Variants in VPS52 observed in about 807,000 individuals in gnomAD.
VPS52 encodes the protein VPS52 subunit of GARP complex.
Under a neutral mutation model 98.7 loss-of-function variants are expected in VPS52, and 56 were observed. The ratio of observed to expected loss-of-function variants is 0.57; its 90% CI spans 0.46 to 0.71. The LOEUF (loss-of-function observed/expected upper bound fraction) is 0.71. VPS52 is among the 30% of genes least tolerant of loss of function. VPS52 has a pLI of 0.00. For synonymous variants in VPS52, 348 were observed against 346.4 expected (o/e 1.00, Z -0.05); for missense variants, 742 against 925.9 (o/e 0.80, Z 2.58).
At chr6:33,265,017 G>C in intron 12 of VPS52, 117 bp from the exon 13 acceptor site, 1 of 917,780 alleles carries the variant, frequency 1.1e-6, no homozygotes, top group South Asian at 1.4e-5. Context: ...GGACAGAAGG[G>C]AGAGACGTAA....
Position 33,271,837 on chromosome 6 carries a change from C to A in VPS52, c.-162G>T. 1 of 1,400,664 alleles carries A rather than the reference C, an allele frequency of 7.1e-7. No homozygotes were observed. The highest frequency in any genetic ancestry group is 9.4e-7 in the Non-Finnish European group (1 of 1,062,668). The allele number at this position is 1,400,664 out of a possible 1,614,324, so 86.8% of individuals were successfully genotyped here. A position where few individuals can be genotyped will look rare whatever the true frequency, so the allele number is the denominator to read the frequency against. On this transcript the variant is annotated 5_prime_UTR_variant, in exon 1 of 20. Transcript: ENST00000445902. ...CCCCTTTCAGCTCTAACCACTTCAC[C>A]CAACTGCAAATGGAAATATGGAAGT...
chr6:33,265,498 C>T (rs1764198801), intron 12 of VPS52, among the ~76,000 whole-genome samples: 1 of 152,208 alleles, frequency 6.6e-6, no homozygotes, highest in Non-Finnish European at 1.5e-5. Context: ...TGCCAAGCAA[C>T]TGGGACCATG....
chr6:33,266,767 T>A, intron 11 of VPS52, 55 bp from the exon 12 acceptor site: 6 of 1,549,022 alleles, frequency 3.9e-6, no homozygotes, highest in Middle Eastern at 4.1e-4. Flanking sequence ...CAACACTGAC[T>A]TCCCATGGAT....
At chr6:33,269,723 C>A (rs1167334772) in intron 4 of VPS52, 21 bp downstream of exon 4, 1 of 1,611,730 alleles carries the variant, frequency 6.2e-7, no homozygotes, top group Non-Finnish European at 8.5e-7. Flanking sequence ...AGCACCACCC[C>A]TTCCCTCTGC....
At position 33,250,918 on chromosome 6, in the gene VPS52, C is replaced by T. The variant is rs746173356; in HGVS notation, c.2095G>A (p.Ala699Thr). The T allele has an allele frequency of 6.8e-6, 11 of 1,612,902 alleles. No individual in the cohort carries two copies. In the African/African-American group the frequency reaches 1.5e-4, roughly 22 times the overall value. The part of the protein sequence containing the change: ...HRVLSQPQLR[A>T]LPARAELINI... ...ATGAGCTCAGCCCGGGCAGGGAGGG[C>T]TCGGAGCTGCGGCTGGGACAGCACC... Residue 699 changes from alanine to threonine, a missense_variant, in exon 20 of 20, where the codon GCC (alanine) becomes ACC (threonine). Transcript: ENST00000445902.
At chr6:33,252,521 G>A (rs535518009) in intron 17 of VPS52, among the ~76,000 whole-genome samples, 9 of 151,158 alleles carry the variant, frequency 6.0e-5, no homozygotes, top group East Asian at 3.9e-4. Context: ...CTTGGGAGGC[G>A]GAGGTTGCAG....
intron 19 of VPS52, 44 bp downstream of exon 19, chr6:33,251,470 ATAAT>A (rs747989273): frequency 1.2e-5 from 16 of 1,290,688 alleles, no homozygotes; most frequent in Middle Eastern, 4.1e-4. Context: ...GATGGGGAAA[ATAAT>A]TAATGATGGG....
At chr6:33,266,772 A>G (rs1764372369) in intron 11 of VPS52, 60 bp from the exon 12 acceptor site, 1 of 1,546,754 alleles carries the variant, frequency 6.5e-7, no homozygotes, top group African/African-American at 1.4e-5. Context: ...CTGACTTCCC[A>G]TGGATATGGC....
Position 33,264,886 on chromosome 6 carries a change from A to C in VPS52, c.1296T>G (p.Ser432=). 6.2e-7 allele frequency: 1 copy of C among 1,612,876 alleles called. No homozygotes were observed. The highest frequency in any genetic ancestry group is 8.5e-7 in the Non-Finnish European group (1 of 1,179,828). ...TLSMTLKHLD[S]YLADCYDAIA... ...TGGCATCGTAGCAGTCAGCTAGATA[A>C]GAATCCAGGTGTTTCTGTGTGATTG... The change falls in exon 13 of 20, where the codon TCT becomes TCG. Residue 432 remains serine, a synonymous_variant. Transcript: ENST00000445902.
rs756469020 is a variant in VPS52, at chr6:33,267,331, G to A, written c.992-10C>T. The A allele has an allele frequency of 6.4e-7, 1 of 1,565,880 alleles. No homozygotes were observed. Among genetic ancestry groups the A allele is most frequent in the East Asian group, 2.3e-5 (1 of 44,110 alleles). ...GGCTTTGAGAAGAATCGTAAGATGG[G>A]TCAGAGTCAGGGAAAACAATGAGAC... On this transcript the variant is annotated splice_polypyrimidine_tract_variant and intron_variant, in intron 10 of 19. Transcript: ENST00000445902. The surrounding 1 kb of genome is among the most constrained non-coding windows in gnomAD (Gnocchi z 4.2).
chr6:33,264,337 C>T, intron 14 of VPS52, 37 bp downstream of exon 14: 1 of 1,610,412 alleles, frequency 6.2e-7, no homozygotes, highest in Non-Finnish European at 8.5e-7. Flanking sequence ...AGAGCCCTGC[C>T]TTTCAAGAAC....
At position 33,264,860 on chromosome 6, in the gene VPS52, A is replaced by G; in HGVS notation, c.1322T>C (p.Ile441Thr). ...AATGTGGATACAGAGAAAAACAGCA[A>G]TGGCATCGTAGCAGTCAGCTAGATA... is the stretch of plus-strand genomic sequence containing the variant. ...DSYLADCYDA[I>T]AVFLCIHIVL... The change falls in exon 13 of 20, where the codon ATT (isoleucine) becomes ACT (threonine). Residue 441 changes from isoleucine to threonine, a missense_variant. Ile to Thr is a moderately conservative substitution (Grantham distance 89, BLOSUM62 -1). Transcript: ENST00000445902. 1.2e-6 allele frequency: 2 copies of G among 1,613,076 alleles called. No individual in the cohort carries two copies. Among genetic ancestry groups the G allele is most frequent in the Non-Finnish European group, 1.7e-6 (2 of 1,180,018 alleles).
intron 3 of VPS52, 80 bp from the exon 4 acceptor site, chr6:33,269,899 G>A: frequency 6.3e-7 from 1 of 1,594,878 alleles, no homozygotes; most frequent in Non-Finnish European, 8.6e-7. Flanking sequence ...AGGACTAAAG[G>A]GTCAGATACC....
chr6:33,252,540 G>A (rs1234769008), intron 17 of VPS52, among the ~76,000 whole-genome samples: 1 of 133,844 alleles, frequency 7.5e-6, no homozygotes, highest in African/African-American at 2.8e-5. Context: ...AGTGAGCAGA[G>A]ATCATGCCAC....
Position 33,250,897 on chromosome 6 carries a change from G to A in VPS52, c.2116C>T (p.Leu706Phe). Reference sequence around the variant, plus strand: ...ACCATAAGGTGGTGAATGTTGATGAGCTCAGCCCGGGCAGGGAGGGCTCGG... The same window carrying A: ...ACCATAAGGTGGTGAATGTTGATGAACTCAGCCCGGGCAGGGAGGGCTCGG... ...QLRALPARAE[L>F]INIHHLMVEL... is the part of the protein sequence containing the mutation. The change falls in exon 20 of 20, where the codon CTC (leucine) becomes TTC (phenylalanine). Residue 706 changes from leucine to phenylalanine, a missense_variant. Leu to Phe is a conservative substitution (Grantham distance 22). This residue lies in a region of VPS52 where 590 missense variants were observed against 793.3 expected (regional missense o/e 0.74). Coordinates refer to ENST00000445902, the MANE Select transcript of VPS52 (RefSeq NM_022553.6). The A allele has an allele frequency of 6.2e-7, 1 of 1,613,088 alleles. No individual in the cohort carries two copies. The highest frequency in any genetic ancestry group is 1.1e-5 in the South Asian group (1 of 91,090).
rs461338 is a variant in VPS52 at position 33,250,403 on chromosome 6, T to C, written c.*438A>G. On this transcript the variant is annotated 3_prime_UTR_variant, in exon 20 of 20. Coordinates refer to ENST00000445902, the MANE Select transcript of VPS52 (RefSeq NM_022553.6). ...AAAAAGCTACAGAAAAGAAATCACT[T>C]TGAAAAACACAATGACTCAGAGGCA... 19,810 of 163,594 alleles carry C rather than the reference T, an allele frequency of 0.12. 1,418 individuals carry two copies. The highest frequency in any genetic ancestry group is 0.2 in the South Asian group (1,073 of 5,336). 10.1% of individuals were successfully genotyped at this position (163,594 alleles called of 1,614,324 possible). A position where few individuals can be genotyped will look rare whatever the true frequency, so the allele number is the denominator to read the frequency against.
Position 33,268,599 on chromosome 6 carries a change from T to C in VPS52, c.599A>G (p.Gln200Arg). 1 of 1,611,104 alleles carries C rather than the reference T, an allele frequency of 6.2e-7. No homozygotes were observed. Among genetic ancestry groups the C allele is most frequent in the Non-Finnish European group, 8.5e-7 (1 of 1,179,958 alleles). The stretch of plus-strand genomic sequence containing the variant: ...TGCGGCTGCCTTGGCATCCAGCTCC[T>C]GTAGCTGCTCCAAGAACCTGGGCTC... ...VTEPRFLEQL[Q>R]ELDAKAAAVR... The change falls in exon 7 of 20, where the codon CAG becomes CGG. Residue 200 changes from glutamine (Q) to arginine (R), a missense_variant. Around this residue, in one of 2 missense-constraint regions of VPS52, gnomAD observed 590 missense variants for 793.3 expected, o/e 0.74. Transcript: ENST00000445902. The surrounding 1 kb of genome is among the most constrained non-coding windows in gnomAD (Gnocchi z 4.0).
In VPS52 at chr6:33,251,352, C is replaced by A. The variant is rs908782862; in HGVS notation, c.2025+166G>T. ...GCTAGACTCTGTCTCAAAAAAAAAA[C>A]AAAACAAACAAAAAAAAAAGAATCA... is the stretch of plus-strand genomic sequence containing the variant. On this transcript the variant is annotated intron_variant, in intron 19 of 19. Coordinates refer to ENST00000445902, the MANE Select transcript of VPS52 (RefSeq NM_022553.6). Among the ~76,000 whole-genome samples the A allele has an allele frequency of 4.0e-5, 6 of 150,410 alleles. No homozygotes were observed. In the East Asian group the frequency reaches 7.8e-4, roughly 19 times the overall value.
intron 17 of VPS52, among the ~76,000 whole-genome samples, chr6:33,261,319 T>C (rs2150823813): frequency 6.6e-6 from 1 of 151,660 alleles, no homozygotes; most frequent in East Asian, 2.0e-4. Flanking sequence ...ACACAAAAAC[T>C]AGCCCGGCGT....
Sources: allele counts gnomAD v4.1 joint callset (sites outside exome capture counted in the v4.1 genomes callset), GRCh38; gene constraint gnomAD v4.1.1; regional missense constraint gnomAD v4.1.1; non-coding constraint Gnocchi (gnomAD v3.1); transcripts MANE v1.5; gene names NCBI Gene and HGNC (gene_info 2026-07-23, HGNC 2026-07-21).